The following RPH3A variants were observed in gnomAD, a reference collection of about 807,000 sequenced individuals.
The protein encoded by RPH3A is rabphilin-3A.
Under a neutral mutation model 102.2 loss-of-function variants are expected in RPH3A, and 48 were observed. The observed-to-expected ratio is 0.47, with a 90% CI of 0.37 to 0.60. The LOEUF is 0.60. Ranked by LOEUF, RPH3A falls within the 20% of genes least tolerant of loss-of-function variation. The pLI is 0.00. For missense variants in RPH3A, 781 were observed against 910.1 expected (o/e 0.86, Z 1.83); for synonymous variants, 310 against 324.3 (o/e 0.96, Z 0.47).
intron 2 of RPH3A, among the ~76,000 whole-genome samples, chr12:112,825,100 G>A (rs1008776907): frequency 2.6e-5 from 4 of 151,648 alleles, no homozygotes; most frequent in Non-Finnish European, 5.9e-5. Context: ...TCCTCCAGGT[G>A]GGGGGCTCCA....
intron 3 of RPH3A, among the ~76,000 whole-genome samples, chr12:112,829,465 T>A (rs1178629106): frequency 6.6e-6 from 1 of 152,022 alleles, no homozygotes; most frequent in African/African-American, 2.4e-5. Flanking sequence ...AGAGATAGGG[T>A]CTTGCTATGT....
chr12:112,661,850 C>A (rs2040050544), intron 1 of RPH3A, among the ~76,000 whole-genome samples: 1 of 151,862 alleles, frequency 6.6e-6, no homozygotes, highest in Admixed American at 6.6e-5. Context: ...GAACAAACTC[C>A]CCCCAGCCAC....
At chr12:112,735,746 C>A (rs549505982) in intron 1 of RPH3A, among the ~76,000 whole-genome samples, 2 of 152,268 alleles carry the variant, frequency 1.3e-5, no homozygotes, top group South Asian at 2.1e-4. Flanking sequence ...CCTTGGTCTT[C>A]CCCACCTCCC....
chr12:112,613,023 C>G (rs2039650969), intron 1 of RPH3A, among the ~76,000 whole-genome samples: 1 of 152,026 alleles, frequency 6.6e-6, no homozygotes, highest in African/African-American at 2.4e-5. Flanking sequence ...ATGATAATTC[C>G]TGTCTAATGA....
chr12:112,722,301 T>C (rs985841567), intron 1 of RPH3A, among the ~76,000 whole-genome samples: 1 of 152,222 alleles, frequency 6.6e-6, no homozygotes, highest in Non-Finnish European at 1.5e-5. Context: ...TCAGGTTCTG[T>C]AGGTAGGCAT....
chr12:112,884,748 A>G (rs1034182401), intron 16 of RPH3A, among the ~76,000 whole-genome samples: 4 of 152,250 alleles, frequency 2.6e-5, no homozygotes, highest in Non-Finnish European at 4.4e-5. Flanking sequence ...TTATTGCGGC[A>G]TAACATTCAT....
chr12:112,828,516 T>A, intron 3 of RPH3A, 127 bp downstream of exon 3: 2 of 677,534 alleles, frequency 3.0e-6, no homozygotes. Flanking sequence ...TAATGGGAGT[T>A]TAGTCATGAA....
chr12:112,662,384 C>T (rs2040054583), intron 1 of RPH3A, among the ~76,000 whole-genome samples: 1 of 152,140 alleles, frequency 6.6e-6, no homozygotes, highest in South Asian at 2.1e-4. Context: ...TCCATTCATC[C>T]ATCCATCCAT....
chr12:112,684,094 G>A (rs2040245861), intron 1 of RPH3A, among the ~76,000 whole-genome samples: 1 of 152,060 alleles, frequency 6.6e-6, no homozygotes, highest in South Asian at 2.1e-4. Context: ...TATGATCATA[G>A]TTGATTAGAT....
At chr12:112,790,431 G>A (rs1453071766), upstream of RPH3A, among the ~76,000 whole-genome samples, 1 of 152,274 alleles carries the variant, frequency 6.6e-6, no homozygotes, top group African/African-American at 2.4e-5. Context: ...GGTCTCATGG[G>A]GAGAAGTAAG....
intron 1 of RPH3A, among the ~76,000 whole-genome samples, chr12:112,643,189 C>T (rs966137469): frequency 5.3e-5 from 8 of 152,178 alleles, no homozygotes; most frequent in Admixed American, 2.0e-4. Context: ...ACCACCATCA[C>T]GCTGTACCCA....
intron 2 of RPH3A, among the ~76,000 whole-genome samples, chr12:112,821,894 C>A (rs2041786790): frequency 6.6e-6 from 1 of 151,962 alleles, no homozygotes; most frequent in Admixed American, 6.6e-5. Context: ...TTTAATTCTT[C>A]TAATTTCCCA....
intron 5 of RPH3A, among the ~76,000 whole-genome samples, chr12:112,853,881 C>T (rs150749362): frequency 6.6e-6 from 1 of 152,096 alleles, no homozygotes; most frequent in Non-Finnish European, 1.5e-5. Flanking sequence ...TAGCTCGATG[C>T]CTGCCATAAA....
intron 1 of RPH3A, among the ~76,000 whole-genome samples, chr12:112,595,519 T>G (rs2039510153): frequency 6.6e-6 from 1 of 152,172 alleles, no homozygotes; most frequent in Non-Finnish European, 1.5e-5. Context: ...CTTCCCCTTT[T>G]GCCTCATATC....
At position 112,875,154 on chromosome 12, in the gene RPH3A, T is replaced by G. The variant is rs1348859520; in HGVS notation, c.867T>G (p.Pro289=). ...APGSVQSPAP[P]QPGQPGTPGG... ...GCTCGGTGCAGAGCCCAGCGCCACC[T>G]CAGCCTGGGCAGCCAGGTACCTGCC... Residue 289 remains proline (P), a synonymous_variant, in exon 11 of 22, where the codon CCT becomes CCG. Transcript: ENST00000389385. 3.1e-6 allele frequency: 5 copies of G among 1,603,368 alleles called. No homozygotes were observed. The highest frequency in any genetic ancestry group is 4.3e-6 in the Non-Finnish European group (5 of 1,175,522).
intron 1 of RPH3A, among the ~76,000 whole-genome samples, chr12:112,619,246 CTGTGTG>C (rs60894997): frequency 0.049 from 6,195 of 125,336 alleles, 160 homozygotes; most frequent in African/African-American, 0.076. Context: ...TATGGTAATT[CTGTGTG>C]TGTGTGTGTG....
At chr12:112,770,599 C>T (rs767624179) in intron 1 of RPH3A, among the ~76,000 whole-genome samples, 2 of 152,208 alleles carry the variant, frequency 1.3e-5, no homozygotes, top group Non-Finnish European at 2.9e-5. Context: ...CTGCCTTGGC[C>T]TCCTAAAGTG....
At position 112,792,269 on chromosome 12, in the gene RPH3A, T is replaced by A. The variant is rs1429361983; in HGVS notation, c.-19+6T>A. ...TGCAAGCCTCCAGCGTCGCGGTAAGTGATATTCTCCCGGGTTGTGCAGATG... is the reference window on the plus strand; with the variant it reads ...TGCAAGCCTCCAGCGTCGCGGTAAGAGATATTCTCCCGGGTTGTGCAGATG... On this transcript the variant is annotated splice_donor_region_variant and intron_variant, in intron 2 of 21. Transcript: ENST00000389385. 6.6e-6 allele frequency: 1 copy of A among 152,190 alleles called. No homozygotes were observed. Among genetic ancestry groups the A allele is most frequent in the East Asian group, 1.9e-4 (1 of 5,188 alleles). 9.4% of individuals were successfully genotyped at this position (152,190 alleles called of 1,614,324 possible). A position where few individuals can be genotyped will look rare whatever the true frequency, so the allele number is the denominator to read the frequency against.
chr12:112,839,714 G>A (rs1480883177), intron 4 of RPH3A, among the ~76,000 whole-genome samples: 1 of 152,236 alleles, frequency 6.6e-6, no homozygotes, highest in Non-Finnish European at 1.5e-5. Flanking sequence ...AGAGCCAGAC[G>A]TGGTGGCTCA....
Sources: allele counts gnomAD v4.1 joint callset (sites outside exome capture counted in the v4.1 genomes callset), GRCh38; gene constraint gnomAD v4.1.1; transcripts MANE v1.5; gene names NCBI Gene and HGNC (gene_info 2026-07-23, HGNC 2026-07-21).